The following FSTL4 variants were observed in gnomAD, a reference collection of about 807,000 sequenced individuals.
FSTL4 encodes follistatin like 4.
A neutral mutation model predicts 78.2 loss-of-function variants in FSTL4; 28 were observed. The ratio of observed to expected loss-of-function variants is 0.36; its 90% CI spans 0.27 to 0.49. FSTL4 has a LOEUF of 0.49. FSTL4 is among the 20% of genes least tolerant of loss of function. FSTL4 has a pLI of 0.98. For missense variants in FSTL4, 922 were observed against 1,084.9 expected (o/e 0.85, Z 2.11); for synonymous variants, 422 against 440.5 (o/e 0.96, Z 0.53).
At chr5:133,457,237 C>A (rs1757509793) in intron 3 of FSTL4, among the ~76,000 whole-genome samples, 3 of 152,170 alleles carry the variant, frequency 2.0e-5, no homozygotes, top group Admixed American at 2.0e-4. Flanking sequence ...TGCAAAATGG[C>A]CTGGTTGTGC....
chr5:133,652,388 C>T, the FSTL4 span, among the ~76,000 whole-genome samples: 2 of 152,006 alleles, frequency 1.3e-5, no homozygotes, highest in African/African-American at 2.4e-5. Context: ...GCATTCAGTG[C>T]TATACATTTT....
At chr5:133,592,776 C>T (rs575963632) in intron 2 of FSTL4, among the ~76,000 whole-genome samples, 2 of 152,324 alleles carry the variant, frequency 1.3e-5, no homozygotes, top group East Asian at 1.9e-4. Context: ...GATCTCTACA[C>T]ACACCCATTC....
At chr5:133,686,696 G>A in the FSTL4 span, among the ~76,000 whole-genome samples, 1 of 152,114 alleles carries the variant, frequency 6.6e-6, no homozygotes, top group Non-Finnish European at 1.5e-5. Flanking sequence ...TCAGGTCAGG[G>A]GATAAGGGAA....
chr5:133,780,163 G>C, the FSTL4 span, among the ~76,000 whole-genome samples: 1 of 152,184 alleles, frequency 6.6e-6, no homozygotes. Context: ...GGGAAGGACA[G>C]CAGTTCCAGC....
chr5:133,394,514 G>A (rs1015397680), intron 4 of FSTL4, among the ~76,000 whole-genome samples: 7 of 152,242 alleles, frequency 4.6e-5, no homozygotes, highest in African/African-American at 1.7e-4. Flanking sequence ...AGCTGCGGAG[G>A]GTGCGCCAGG....
chr5:133,598,781 A>G (rs1760794924), intron 2 of FSTL4, among the ~76,000 whole-genome samples: 1 of 152,212 alleles, frequency 6.6e-6, no homozygotes, highest in Non-Finnish European at 1.5e-5. Context: ...CCAGGGTCTC[A>G]TCTTCTTTGA....
At chr5:133,547,323 C>T (rs1398201419) in intron 3 of FSTL4, among the ~76,000 whole-genome samples, 1 of 152,016 alleles carries the variant, frequency 6.6e-6, no homozygotes, top group Non-Finnish European at 1.5e-5. Context: ...CATTTTGATT[C>T]CACAAGCTGC....
At chr5:133,654,237 T>C in the FSTL4 span, among the ~76,000 whole-genome samples, 1 of 152,230 alleles carries the variant, frequency 6.6e-6, no homozygotes, top group African/African-American at 2.4e-5. Context: ...CAGCCACCAT[T>C]TACTGATGCT....
chr5:133,366,102 T>C (rs1483899458), intron 4 of FSTL4, among the ~76,000 whole-genome samples: 1 of 152,190 alleles, frequency 6.6e-6, no homozygotes, highest in Non-Finnish European at 1.5e-5. Context: ...CCTCTCACTT[T>C]TGATGCTGCA....
chr5:133,313,714 T>C (rs139680625), intron 5 of FSTL4, among the ~76,000 whole-genome samples: 1 of 152,160 alleles, frequency 6.6e-6, no homozygotes, highest in African/African-American at 2.4e-5. Flanking sequence ...TTTAATGTGA[T>C]AATGTTAAAA....
chr5:133,630,885 G>A, the FSTL4 span, among the ~76,000 whole-genome samples: 1 of 152,106 alleles, frequency 6.6e-6, no homozygotes, highest in Non-Finnish European at 1.5e-5. Context: ...ACAAGCAATG[G>A]GGAAAGAATT....
chr5:133,478,182 C>T (rs1757959227), intron 3 of FSTL4, among the ~76,000 whole-genome samples: 1 of 152,164 alleles, frequency 6.6e-6, no homozygotes, highest in Non-Finnish European at 1.5e-5. Context: ...AGCCACATAA[C>T]CGATTCCCTG....
At chr5:133,286,182 CA>C (rs1753125044) in intron 6 of FSTL4, among the ~76,000 whole-genome samples, 1 of 152,246 alleles carries the variant, frequency 6.6e-6, no homozygotes, top group Non-Finnish European at 1.5e-5. Flanking sequence ...ACTGACTATG[CA>C]ACCTTGGGCA....
At chr5:133,232,208 A>C (rs751040294) in intron 8 of FSTL4, among the ~76,000 whole-genome samples, 4 of 152,208 alleles carry the variant, frequency 2.6e-5, no homozygotes, top group Non-Finnish European at 5.9e-5. Flanking sequence ...GGCTATGGGC[A>C]AGTTATACTA....
chr5:133,548,774 TA>T (rs1395386915), intron 3 of FSTL4, among the ~76,000 whole-genome samples: 1 of 151,694 alleles, frequency 6.6e-6, no homozygotes, highest in Non-Finnish European at 1.5e-5. Flanking sequence ...AGAATTAACA[TA>T]AAAAAACTCT....
rs531572309 is a variant in FSTL4, at chr5:133,568,820, G to GA, written c.127-1602dup. Among the ~76,000 whole-genome samples the GA allele has an allele frequency of 2.8e-4, 42 of 152,176 alleles. 1 individual carries two copies. The highest frequency in any genetic ancestry group is 9.1e-4 in the African/African-American group (38 of 41,532). ...CAGGAGATATTCATAATCAGCTCCA[G>GA]AAAAAAACTATGAAATTTTTGTTGT... On this transcript the variant is annotated intron_variant, in intron 2 of 15. Transcript: ENST00000265342.
chr5:133,778,414 G>T, the FSTL4 span, among the ~76,000 whole-genome samples: 1 of 152,222 alleles, frequency 6.6e-6, no homozygotes, highest in South Asian at 2.1e-4. Flanking sequence ...ATTAATTTCT[G>T]GAAAAAACAT....
intron 2 of FSTL4, among the ~76,000 whole-genome samples, chr5:133,602,153 G>A (rs1437908585): frequency 6.6e-6 from 1 of 151,140 alleles, no homozygotes; most frequent in Non-Finnish European, 1.5e-5. Context: ...ATGATCAATA[G>A]GGCAATAGTT....
intron 3 of FSTL4, among the ~76,000 whole-genome samples, chr5:133,550,223 G>C (rs918212378): frequency 1.3e-5 from 2 of 152,184 alleles, no homozygotes; most frequent in Admixed American, 1.3e-4. Context: ...AAGTGGGAGA[G>C]TCAGCTAAGT....
Sources: gnomAD v4.1 joint callset for allele counts (sites outside exome capture counted in the v4.1 genomes callset) on GRCh38, gnomAD v4.1.1 for gene constraint, MANE v1.5 for transcripts, NCBI Gene and HGNC (gene_info 2026-07-23, HGNC 2026-07-21) for gene names.